Variants in PCDHGA7 observed in about 807,000 individuals in gnomAD.
PCDHGA7 encodes the protein protocadherin gamma-A7.
Under a neutral mutation model 58.3 loss-of-function variants are expected in PCDHGA7, and 44 were observed. That is an observed-to-expected ratio of 0.75 (90% CI 0.59 to 0.97). The LOEUF (loss-of-function observed/expected upper bound fraction) is 0.97. PCDHGA7 is among the 50% of genes least tolerant of loss of function. PCDHGA7 has a pLI of 0.00. For missense variants in PCDHGA7, 1,266 were observed against 1,188.7 expected (o/e 1.06, Z -0.96); for synonymous variants, 516 against 504.2 (o/e 1.02, Z -0.31).
At position 141,485,386 on chromosome 5, in the gene PCDHGA7, C is replaced by A. The variant is rs1044608807; in HGVS notation, c.2425-9421C>A. The stretch of plus-strand genomic sequence containing the variant: ...GGCTGCAGGTCGCTGGAGAGGTGAA[C>A]CAAAGACACTTCCGTGTGGATTTGG... On this transcript the variant is annotated intron_variant, in intron 1 of 3. Coordinates refer to ENST00000518325, the MANE Select transcript of PCDHGA7 (RefSeq NM_018920.4). This position sits in a 1 kb window ranked among gnomAD's most constrained non-coding sequence, Gnocchi z 5.7. 1.2e-6 allele frequency: 2 copies of A among 1,614,104 alleles called. No homozygotes were observed. The highest frequency in any genetic ancestry group is 8.5e-7 in the Non-Finnish European group (1 of 1,180,002).
chr5:141,412,923 G>A, intron 1 of PCDHGA7: 1 of 420,946 alleles, frequency 2.4e-6, no homozygotes, highest in East Asian at 3.6e-5. Flanking sequence ...CTTGGGTGCA[G>A]TAACTTCTTA....
chr5:141,410,640 G>A (rs747132686), intron 1 of PCDHGA7: 1 of 1,599,056 alleles, frequency 6.3e-7, no homozygotes, highest in Non-Finnish European at 8.5e-7. Flanking sequence ...TCTTTTTTGT[G>A]TGTGATTTAT....
chr5:141,400,232 C>T (rs2093984634), intron 1 of PCDHGA7: 1 of 1,614,032 alleles, frequency 6.2e-7, no homozygotes. Context: ...TTCCTCCTGG[C>T]CGTGATTCTG....
At chr5:141,408,274 G>T (rs773254664) in intron 1 of PCDHGA7, 2 of 1,611,590 alleles carry the variant, frequency 1.2e-6, no homozygotes, top group Non-Finnish European at 1.7e-6. Flanking sequence ...TGCTGCCTTT[G>T]TTCTACCCCA....
At chr5:141,433,398 T>TCTAC (rs1487149690) in intron 1 of PCDHGA7, among the ~76,000 whole-genome samples, 2 of 151,396 alleles carry the variant, frequency 1.3e-5, no homozygotes, top group Non-Finnish European at 2.9e-5. Context: ...TATCTATCTA[T>TCTAC]CTATCTATTA....
intron 1 of PCDHGA7, among the ~76,000 whole-genome samples, chr5:141,449,607 A>G (rs1279835785): frequency 1.3e-5 from 2 of 149,984 alleles, no homozygotes; most frequent in African/African-American, 4.9e-5. Flanking sequence ...AAAAAAAAAA[A>G]GTAAAAAAGT....
In PCDHGA7 at chr5:141,404,936, G is replaced by A. The variant is rs755365273; in HGVS notation, c.2424+19613G>A. ...TCTCTCGGCCACTGTCACGCTCACA[G>A]TAGCCATAGCTGACAGCATCCCAGA... is the stretch of plus-strand genomic sequence containing the variant. On this transcript the variant is annotated intron_variant, in intron 1 of 3. Coordinates refer to ENST00000518325, the MANE Select transcript of PCDHGA7 (RefSeq NM_018920.4). 1.9e-6 allele frequency: 3 copies of A among 1,613,858 alleles called. No individual in the cohort carries two copies. The South Asian group carries it at 3.3e-5, about 18-fold the overall frequency.
At chr5:141,418,373 C>T (rs936895178) in intron 1 of PCDHGA7, 1 of 1,614,006 alleles carries the variant, frequency 6.2e-7, no homozygotes, top group Non-Finnish European at 8.5e-7. Context: ...CAAATACCAA[C>T]TAAGTCCTAA....
At chr5:141,389,088 T>G (rs774714581) in intron 1 of PCDHGA7, 2 of 1,613,894 alleles carry the variant, frequency 1.2e-6, no homozygotes, top group Non-Finnish European at 1.7e-6. Context: ...CACGTATAAA[T>G]TAGTGACAGA....
intron 2 of PCDHGA7, among the ~76,000 whole-genome samples, chr5:141,504,451 G>A (rs2099838355): frequency 1.3e-5 from 2 of 152,070 alleles, no homozygotes; most frequent in South Asian, 4.2e-4. Context: ...CTAGTGCCAT[G>A]TGGGGCAGCC....
chr5:141,471,206 T>C (rs113465424), intron 1 of PCDHGA7: 16,891 of 151,686 alleles, frequency 0.11, 970 homozygotes, highest in South Asian at 0.15. Context: ...CCCACCCCCA[T>C]GCCTGGCAAT....
chr5:141,388,989 G>A (rs1460138722), intron 1 of PCDHGA7: 1 of 1,613,886 alleles, frequency 6.2e-7, no homozygotes, highest in African/African-American at 1.3e-5. Context: ...TTTGCTCAAA[G>A]TCCGTGACAA....
chr5:141,495,939 G>A (rs1408330065), intron 2 of PCDHGA7, among the ~76,000 whole-genome samples: 1 of 151,994 alleles, frequency 6.6e-6, no homozygotes, highest in Non-Finnish European at 1.5e-5. Context: ...TCTGGTCTCT[G>A]TGCCTGTTGT....
intron 1 of PCDHGA7, among the ~76,000 whole-genome samples, chr5:141,484,281 C>T (rs969039536): frequency 6.6e-6 from 1 of 152,202 alleles, no homozygotes; most frequent in Admixed American, 6.5e-5. Context: ...TGTTTTGAAA[C>T]ATCTCCCTCT....
chr5:141,420,111 C>T (rs747723647), intron 1 of PCDHGA7: 1 of 1,613,966 alleles, frequency 6.2e-7, no homozygotes, highest in African/African-American at 1.3e-5. Flanking sequence ...TTGCCCTATG[C>T]CTATAATTTT....
chr5:141,451,797 C>T (rs1207473455), intron 1 of PCDHGA7, among the ~76,000 whole-genome samples: 1 of 152,006 alleles, frequency 6.6e-6, no homozygotes, highest in African/African-American at 2.4e-5. Context: ...CAGAGAATTG[C>T]TTGAACCCAG....
intron 1 of PCDHGA7, among the ~76,000 whole-genome samples, chr5:141,483,945 ATTGTG>A (rs2099589210): frequency 8.3e-6 from 1 of 120,394 alleles, no homozygotes; most frequent in Non-Finnish European, 1.6e-5. Context: ...TACGGTGTGA[ATTGTG>A]TTGTGTTTCT....
chr5:141,480,578 A>G (rs1343189182), intron 1 of PCDHGA7, among the ~76,000 whole-genome samples: 1 of 133,254 alleles, frequency 7.5e-6, no homozygotes, highest in Admixed American at 7.4e-5. Context: ...GCAAGAAATA[A>G]CTGCCGCTCT....
At position 141,413,510 on chromosome 5, in the gene PCDHGA7, T is replaced by G. The variant is rs372002880; in HGVS notation, c.2424+28187T>G. On this transcript the variant is annotated intron_variant, in intron 1 of 3. Transcript: ENST00000518325. ...GCGCGGTGCGTGGTGAGTTTTAATA[T>G]CCTTGTGGAAGACAGGGTGAAACTT... The G allele has an allele frequency of 5.4e-5, 87 of 1,613,876 alleles. No individual in the cohort carries two copies. Among genetic ancestry groups the G allele is most frequent in the Middle Eastern group, 1.6e-4 (1 of 6,084 alleles).
Sources: allele counts gnomAD v4.1 joint callset (sites outside exome capture counted in the v4.1 genomes callset), GRCh38; gene constraint gnomAD v4.1.1; non-coding constraint Gnocchi (gnomAD v3.1); transcripts MANE v1.5; gene names NCBI Gene and HGNC (gene_info 2026-07-23, HGNC 2026-07-21).